PSPC1: variants seen among roughly 807,000 people sequenced by gnomAD.
PSPC1 encodes paraspeckle component 1.
PSPC1 carries 14 observed loss-of-function variants against 51.6 expected under a neutral mutation model. The observed-to-expected ratio is 0.27, with a 90% CI of 0.18 to 0.42. The LOEUF (loss-of-function observed/expected upper bound fraction) is 0.42. Among genes scored for constraint, PSPC1 ranks in the 10% least tolerant of loss-of-function variants. The probability of loss-of-function intolerance (pLI) is 1.00; values close to 1 mark genes in which losing one functional copy is unlikely to be tolerated. For synonymous variants in PSPC1, 193 were observed against 231.9 expected (o/e 0.83, Z 1.53); for missense variants, 406 against 701.1 (o/e 0.58, Z 4.75).
intron 6 of PSPC1, among the ~76,000 whole-genome samples, chr13:19,691,312 G>C (rs1274612343): frequency 6.6e-6 from 1 of 152,126 alleles, no homozygotes; most frequent in African/African-American, 2.4e-5. Flanking sequence ...TTTGAGACAA[G>C]GAGTTTGAGA....
chr13:19,779,419 G>T (rs1204846727), intron 1 of PSPC1, among the ~76,000 whole-genome samples: 8 of 84,568 alleles, frequency 9.5e-5, no homozygotes, highest in Non-Finnish European at 1.5e-4. Flanking sequence ...CCCCGTCCGG[G>T]AGGTGAGGGG....
At chr13:19,776,517 AT>A (rs763415535) in intron 1 of PSPC1, among the ~76,000 whole-genome samples, 116 of 145,974 alleles carry the variant, frequency 7.9e-4, no homozygotes, top group East Asian at 2.0e-3. Context: ...CTATATGCAA[AT>A]TTTTTTTTTT....
chr13:19,762,532 C>G (rs1259864053), intron 2 of PSPC1, among the ~76,000 whole-genome samples: 1 of 151,736 alleles, frequency 6.6e-6, no homozygotes, highest in African/African-American at 2.4e-5. Flanking sequence ...TGCACTCCAG[C>G]CAGGATGATA....
At chr13:19,681,676 G>A (rs1877280623) in intron 6 of PSPC1, among the ~76,000 whole-genome samples, 1 of 152,184 alleles carries the variant, frequency 6.6e-6, no homozygotes, top group South Asian at 2.1e-4. Flanking sequence ...TTCGGAGAAA[G>A]GTATGCTCTG....
intron 5 of PSPC1, among the ~76,000 whole-genome samples, chr13:19,738,043 T>C (rs1318244834): frequency 1.3e-5 from 2 of 152,168 alleles, no homozygotes; most frequent in Non-Finnish European, 1.5e-5. Context: ...TCAGCTATGA[T>C]TGAGACACTG....
At chr13:19,710,401 A>G (rs1426720666) in intron 6 of PSPC1, among the ~76,000 whole-genome samples, 1 of 152,154 alleles carries the variant, frequency 6.6e-6, no homozygotes, top group Non-Finnish European at 1.5e-5. Flanking sequence ...TAACATAGGA[A>G]AATTGCAATT....
At position 19,703,222 on chromosome 13, in the gene PSPC1, T is replaced by G; in HGVS notation, c.1525A>C (p.Ser509Arg). The change falls in exon 9 of 9, where the codon AGT (serine) becomes CGT (arginine). Residue 509 changes from serine (S) to arginine (R), a missense_variant. Ser to Arg is a moderately radical substitution (Grantham distance 110, BLOSUM62 -1). This residue lies in a region of PSPC1 where 34 missense variants were observed against 158.6 expected (regional missense o/e 0.21). Transcript: ENST00000338910. ...SGGPGGFGRGSQGGNFEGPNK... is the reference protein window; with the variant it reads ...SGGPGGFGRGRQGGNFEGPNK... ...GGGCCTTCAAAGTTGCCCCCTTGAC[T>G]TCCTCTACCAAAGCCACCAGGACCA... is the stretch of plus-strand genomic sequence containing the variant. The G allele has an allele frequency of 6.2e-7, 1 of 1,614,178 alleles. No homozygotes were observed. Among genetic ancestry groups the G allele is most frequent in the Non-Finnish European group, 8.5e-7 (1 of 1,179,996 alleles).
intron 1 of PSPC1, among the ~76,000 whole-genome samples, chr13:19,779,382 G>C: frequency 9.3e-6 from 1 of 107,992 alleles, no homozygotes; most frequent in African/African-American, 3.5e-5. Context: ...GGGAGGTGGG[G>C]GGGTCAGCCC....
chr13:19,671,718 C>A, downstream of PSPC1: 1 of 860,476 alleles, frequency 1.2e-6, no homozygotes, highest in Non-Finnish European at 1.9e-6. Context: ...AATTGATAAG[C>A]AACTTGAAAA....
chr13:19,714,500 T>C (rs1012561643), intron 6 of PSPC1, among the ~76,000 whole-genome samples: 11 of 151,698 alleles, frequency 7.3e-5, no homozygotes, highest in Non-Finnish European at 1.6e-4. Flanking sequence ...GATTTCTTTT[T>C]TTTTTTTTTT....
intron 4 of PSPC1, among the ~76,000 whole-genome samples, chr13:19,750,459 AAT>A (rs67130075): frequency 1.3e-5 from 2 of 148,484 alleles, no homozygotes; most frequent in African/African-American, 4.9e-5. Context: ...AACAAACAAA[AAT>A]ATATATATAT....
intron 5 of PSPC1, among the ~76,000 whole-genome samples, chr13:19,734,594 G>C (rs548075403): frequency 1.2e-4 from 19 of 152,286 alleles, no homozygotes; most frequent in Non-Finnish European, 2.1e-4. Flanking sequence ...CTGAGGTCAG[G>C]AGTTCGAGAC....
chr13:19,720,348 C>A (rs984540487), intron 6 of PSPC1, among the ~76,000 whole-genome samples: 11 of 152,140 alleles, frequency 7.2e-5, no homozygotes, highest in African/African-American at 2.7e-4. Context: ...ATAAACTGCA[C>A]AAGCAGCAGT....
rs151004781 is a variant in PSPC1 at position 19,688,527 on chromosome 13, TTCTC to T, written c.1159-10708_1159-10705del. Among the ~76,000 whole-genome samples the T allele has an allele frequency of 3.3e-3, 504 of 152,356 alleles. 4 individuals are homozygous for T. The highest frequency in any genetic ancestry group is 0.012 in the African/African-American group (492 of 41,584). On this transcript the variant is annotated intron_variant and NMD_transcript_variant, in intron 6 of 7. Coordinates refer to the PSPC1 transcript ENST00000471658. ...ATTATTGATGTTTGTCATCCTTTCT[TTCTC>T]CCTTAAGATCTTTTCTGCATTGTTT...
chr13:19,671,323 C>T (rs773472999), downstream of PSPC1: 5 of 1,559,474 alleles, frequency 3.2e-6, no homozygotes, highest in Admixed American at 3.4e-5. Context: ...AGTGTCACTA[C>T]TCAAGTTGTT....
At chr13:19,745,213 G>A (rs1885843882) in intron 4 of PSPC1, among the ~76,000 whole-genome samples, 2 of 152,116 alleles carry the variant, frequency 1.3e-5, no homozygotes, top group Non-Finnish European at 2.9e-5. Context: ...AGCTACTCAA[G>A]GAGGATGAGG....
At chr13:19,671,361 A>C, downstream of PSPC1, 4 of 1,411,944 alleles carry the variant, frequency 2.8e-6, no homozygotes, top group Non-Finnish European at 4.0e-6. Flanking sequence ...CAACATTAGA[A>C]AAAAAATTCC....
downstream of PSPC1, chr13:19,671,925 CTCTT>C (rs752065295): frequency 7.6e-6 from 12 of 1,570,884 alleles, no homozygotes; most frequent in African/African-American, 1.4e-5. Flanking sequence ...TTCCTATACT[CTCTT>C]TGACAGCAGT....
In PSPC1 at chr13:19,782,864, A is replaced by C. The variant is rs916483411; in HGVS notation, c.-107T>G. The C allele has an allele frequency of 7.0e-6, 9 of 1,279,992 alleles. No homozygotes were observed. Among genetic ancestry groups the C allele is most frequent in the Middle Eastern group, 2.9e-4 (1 of 3,446 alleles). 79.3% of individuals were successfully genotyped at this position (1,279,992 alleles called of 1,614,324 possible). ...AAACCTATGCCAACAAAATATCGAC[A>C]ATCAAGAGACCGCTAGGTAGGCGAG... On this transcript the variant is annotated 5_prime_UTR_variant, in exon 1 of 9. It adds an upstream start codon to the 5' untranslated region. Coordinates refer to ENST00000338910, the MANE Select transcript of PSPC1 (RefSeq NM_001354909.2). This position sits in a 1 kb window ranked among gnomAD's most constrained non-coding sequence, Gnocchi z 4.5.
Sources: gnomAD v4.1 joint callset for allele counts (sites outside exome capture counted in the v4.1 genomes callset) on GRCh38, gnomAD v4.1.1 for gene constraint, gnomAD v4.1.1 regional missense constraint, Gnocchi (gnomAD v3.1) non-coding constraint, MANE v1.5 for transcripts, NCBI Gene and HGNC (gene_info 2026-07-23, HGNC 2026-07-21) for gene names.